Variants in MTCL1 observed in about 807,000 individuals in gnomAD.
MTCL1 encodes microtubule cross-linking factor 1.
MTCL1 carries 79 observed loss-of-function variants against 141.4 expected under a neutral mutation model. The ratio of observed to expected loss-of-function variants is 0.56; its 90% CI spans 0.47 to 0.67. The LOEUF is 0.67. Ranked by LOEUF, MTCL1 falls within the 30% of genes least tolerant of loss-of-function variation. The pLI, the probability that MTCL1 is intolerant of heterozygous loss-of-function variation, is 0.00. For synonymous variants in MTCL1, 914 were observed against 875.8 expected (o/e 1.04, Z -0.77); for missense variants, 2,177 against 2,113.9 (o/e 1.03, Z -0.59).
rs1006558120 is a variant in MTCL1, at chr18:8,705,860, G to A, written c.200G>A (p.Gly67Asp). 1.8e-4 allele frequency: 204 copies of A among 1,150,182 alleles called. 1 individual carries two copies. Among genetic ancestry groups the A allele is most frequent in the Non-Finnish European group, 2.0e-4 (189 of 935,046 alleles). The allele number at this position is 1,150,182 out of a possible 1,614,324, so 71.2% of individuals were successfully genotyped here. The change falls in exon 1 of 14, where the codon GGC becomes GAC. Residue 67 changes from glycine to aspartate, a missense_variant. Coordinates refer to the MTCL1 transcript ENST00000306329. The surrounding 1 kb of genome is among the most constrained non-coding windows in gnomAD (Gnocchi z 5.2). ...CCCGGCCCGGCCGTCCCCTCCTCGG[G>A]CCGAGCCCCGGCTCCCGCCGCCCCG...
intron 6 of MTCL1, 89 bp downstream of exon 5, chr18:8,784,932 C>A (rs1289451749): frequency 6.6e-6 from 8 of 1,207,514 alleles, no homozygotes; most frequent in African/African-American, 3.1e-5. Context: ...ACGCTGCTCA[C>A]GGCTGCTTGG....
At chr18:8,726,286 CTTTTTTTTT>C (rs77665680) in intron 4 of MTCL1, among the ~76,000 whole-genome samples, 3 of 102,262 alleles carry the variant, frequency 2.9e-5, no homozygotes, top group African/African-American at 3.8e-5. Context: ...TTCTTTTTTT[CTTTTTTTTT>C]TTTTTTTTTT....
chr18:8,819,699 C>G (rs900463652), intron 13 of MTCL1, among the ~76,000 whole-genome samples: 4 of 151,568 alleles, frequency 2.6e-5, no homozygotes, highest in Non-Finnish European at 5.9e-5. Flanking sequence ...ACCTCCTAGG[C>G]TCAATTGATC....
At chr18:8,762,862 G>A (rs2096439896) in intron 4 of MTCL1, among the ~76,000 whole-genome samples, 1 of 152,212 alleles carries the variant, frequency 6.6e-6, no homozygotes, top group Non-Finnish European at 1.5e-5. Context: ...CGGGGAAAGG[G>A]GCGAGTGTGG....
At chr18:8,819,189 C>T (rs1318895477) in exon 13 of MTCL1, 1 of 1,614,200 alleles carries the variant, frequency 6.2e-7, no homozygotes, top group South Asian at 1.1e-5. Flanking sequence ...GATGCCTTGT[C>T]CCTGGATGAC....
intron 1 of MTCL1, chr18:8,717,775 C>A: frequency 4.7e-6 from 2 of 424,156 alleles, no homozygotes; most frequent in Non-Finnish European, 6.3e-6. Context: ...TCCTTGGGTT[C>A]CCCTGTATTC....
chr18:8,775,029 C>T (rs1223124621), intron 4 of MTCL1, among the ~76,000 whole-genome samples: 1 of 152,108 alleles, frequency 6.6e-6, no homozygotes, highest in Non-Finnish European at 1.5e-5. Context: ...CTCTAGCCAC[C>T]AGCCTCATTT....
intron 12 of MTCL1, 69 bp from the exon 12 acceptor site, chr18:8,818,894 A>G (rs1873485272): frequency 2.7e-6 from 4 of 1,461,668 alleles, no homozygotes; most frequent in African/African-American, 1.4e-5. Context: ...TTGTGGAGAA[A>G]CGATGTTCTT....
intron 1 of MTCL1, among the ~76,000 whole-genome samples, chr18:8,712,169 T>G (rs1161312069): frequency 1.3e-5 from 2 of 152,242 alleles, no homozygotes; most frequent in East Asian, 3.8e-4. Flanking sequence ...CTTTTTGCTT[T>G]GCTTTGCTTT....
chr18:8,786,021 A>T (rs753490941), exon 7 of MTCL1: 1 of 1,582,946 alleles, frequency 6.3e-7, no homozygotes, highest in Non-Finnish European at 8.7e-7. Context: ...GCCGCGCGGG[A>T]GCTGCACCGC....
In MTCL1 at chr18:8,825,195, G is replaced by C. The variant is rs779349575; in HGVS notation, c.3685G>C (p.Gly1229Arg). The C allele has an allele frequency of 1.5e-5, 23 of 1,583,216 alleles. No homozygotes were observed. The highest frequency in any genetic ancestry group is 2.0e-5 in the Non-Finnish European group (23 of 1,164,614). ...AGGGAGCCCGGGAGACACCAAGGGAGGCCCTCCAGAACCCATGCTCAGCAG... is the reference window on the plus strand; with the variant it reads ...AGGGAGCCCGGGAGACACCAAGGGACGCCCTCCAGAACCCATGCTCAGCAG... Residue 1229 changes from glycine to arginine, a missense_variant, in exon 15 of 17, where the codon GGC becomes CGC. Gly to Arg is a moderately radical substitution (Grantham distance 125). Transcript: ENST00000359865.
rs150058526 is a variant in MTCL1, at chr18:8,784,292, A to G, written c.1180A>G (p.Lys394Glu). 56 of 1,583,278 alleles carry G rather than the reference A, an allele frequency of 3.5e-5. No homozygotes were observed. Among genetic ancestry groups the G allele is most frequent in the Non-Finnish European group, 4.2e-5 (49 of 1,160,942 alleles). Residue 394 changes from lysine to glutamate, a missense_variant, in exon 6 of 17, where the codon AAG becomes GAG. Lys to Glu is a moderately conservative substitution (Grantham distance 56). Transcript: ENST00000359865. ...CGATGCCGAGAGTGATGCGGGCAAGAAGGAGAGTGATGGGGAGGAGAGCCG... is the reference window on the plus strand; with the variant it reads ...CGATGCCGAGAGTGATGCGGGCAAGGAGGAGAGTGATGGGGAGGAGAGCCG...
chr18:8,768,158 A>T (rs894405627), intron 4 of MTCL1, among the ~76,000 whole-genome samples: 1 of 152,226 alleles, frequency 6.6e-6, no homozygotes, highest in Non-Finnish European at 1.5e-5. Context: ...TATCCCCACC[A>T]TTCACACTGT....
intron 4 of MTCL1, among the ~76,000 whole-genome samples, chr18:8,773,048 T>C (rs2096491341): frequency 6.6e-6 from 1 of 152,210 alleles, no homozygotes; most frequent in Non-Finnish European, 1.5e-5. Context: ...TTGTGTATCT[T>C]AAATATATAC....
chr18:8,729,300 C>T (rs1280390977), intron 4 of MTCL1, among the ~76,000 whole-genome samples: 2 of 151,914 alleles, frequency 1.3e-5, no homozygotes, highest in Admixed American at 1.3e-4. Context: ...AAGGGATCCT[C>T]CTGCCTTAGC....
chr18:8,736,754 C>G (rs2096276599), intron 4 of MTCL1, among the ~76,000 whole-genome samples: 1 of 151,610 alleles, frequency 6.6e-6, no homozygotes, highest in Admixed American at 6.6e-5. Context: ...TCTCCTGCCT[C>G]AGCCTCCCGA....
At chr18:8,742,731 T>C (rs1489453579) in intron 4 of MTCL1, among the ~76,000 whole-genome samples, 1 of 152,044 alleles carries the variant, frequency 6.6e-6, no homozygotes, top group African/African-American at 2.4e-5. Context: ...CTCAGATACC[T>C]ACACACGTGT....
At position 8,822,020 on chromosome 18, in the gene MTCL1, C is replaced by T. The variant is rs1305770278; in HGVS notation, c.3188+522C>T. The stretch of plus-strand genomic sequence containing the variant: ...CCAGTTTTACTTTTTCATCATTCTC[C>T]AAATGAATACATACCGTTTCTACTA... On this transcript the variant is annotated intron_variant, in intron 14 of 16. Coordinates refer to ENST00000359865, the Ensembl canonical transcript of MTCL1. This position sits in a 1 kb window ranked among gnomAD's most constrained non-coding sequence, Gnocchi z 4.6. 6.6e-6 allele frequency among the ~76,000 whole-genome samples: 1 copy of T among 152,194 alleles called. No individual in the cohort carries two copies. Among genetic ancestry groups the T allele is most frequent in the African/African-American group, 2.4e-5 (1 of 41,450 alleles).
chr18:8,756,471 G>A (rs140270622), intron 4 of MTCL1, among the ~76,000 whole-genome samples: 6,949 of 138,946 alleles, frequency 0.05, 649 homozygotes, highest in African/African-American at 0.19. Flanking sequence ...ATGTGTATAT[G>A]TGTGTATATG....
Sources: gnomAD v4.1 joint callset for allele counts (sites outside exome capture counted in the v4.1 genomes callset) on GRCh38, gnomAD v4.1.1 for gene constraint, Gnocchi (gnomAD v3.1) non-coding constraint, MANE v1.5 for transcripts, NCBI Gene and HGNC (gene_info 2026-07-23, HGNC 2026-07-21) for gene names.